Variants in GRM8 observed in about 807,000 individuals in gnomAD.
GRM8 encodes the protein metabotropic glutamate receptor 8.
GRM8 carries 47 observed loss-of-function variants against 87.2 expected under a neutral mutation model. The ratio of observed to expected loss-of-function variants is 0.54; its 90% CI spans 0.43 to 0.69. GRM8 has a LOEUF of 0.69. Among genes scored for constraint, GRM8 ranks in the 30% least tolerant of loss-of-function variants. The pLI, the probability that GRM8 is intolerant of heterozygous loss-of-function variation, is 0.00. For missense variants in GRM8, 1,019 were observed against 1,139.2 expected (o/e 0.89, Z 1.52); for synonymous variants, 396 against 404.5 (o/e 0.98, Z 0.25).
intron 2 of GRM8, among the ~76,000 whole-genome samples, chr7:127,124,481 A>G (rs1412584758): frequency 6.6e-6 from 1 of 152,124 alleles, no homozygotes; most frequent in Non-Finnish European, 1.5e-5. Context: ...TTTGCTTACA[A>G]TTTAAAAGTG....
intron 6 of GRM8, among the ~76,000 whole-genome samples, chr7:126,792,721 T>A (rs1000827867): frequency 1.3e-5 from 2 of 152,196 alleles, no homozygotes; most frequent in Non-Finnish European, 2.9e-5. Flanking sequence ...GGGTGCTTTT[T>A]TTCCATCCCA....
At chr7:126,652,756 GT>G (rs1167930025) in intron 7 of GRM8, among the ~76,000 whole-genome samples, 1 of 152,080 alleles carries the variant, frequency 6.6e-6, no homozygotes, top group African/African-American at 2.4e-5. Flanking sequence ...CTTTGATTGT[GT>G]GAGTTAATTC....
chr7:127,210,359 G>A (rs1438275919), intron 2 of GRM8, among the ~76,000 whole-genome samples: 1 of 152,078 alleles, frequency 6.6e-6, no homozygotes, highest in East Asian at 1.9e-4. Context: ...TACTTCCCAA[G>A]CCCCTTATGA....
intron 3 of GRM8, among the ~76,000 whole-genome samples, chr7:126,961,911 G>C (rs1809363170): frequency 6.6e-6 from 1 of 152,120 alleles, no homozygotes; most frequent in Non-Finnish European, 1.5e-5. Context: ...TCTGTATCCA[G>C]CATAGAGGAG....
chr7:126,996,754 T>C (rs1418127380), intron 3 of GRM8, among the ~76,000 whole-genome samples: 1 of 151,928 alleles, frequency 6.6e-6, no homozygotes, highest in Admixed American at 6.6e-5. Flanking sequence ...CAATTGTAAA[T>C]AGATATGTAC....
chr7:126,915,416 T>A (rs1015500801), intron 3 of GRM8, among the ~76,000 whole-genome samples: 8 of 152,226 alleles, frequency 5.3e-5, no homozygotes, highest in African/African-American at 7.2e-5. Flanking sequence ...TTGTCTTTCA[T>A]CAAGTGATAT....
chr7:126,790,873 G>A (rs972662830), intron 6 of GRM8, among the ~76,000 whole-genome samples: 2 of 152,152 alleles, frequency 1.3e-5, no homozygotes, highest in Non-Finnish European at 2.9e-5. Context: ...TGGGTAGGAT[G>A]ACTTGGCATG....
At chr7:127,185,665 G>C (rs1794695125) in intron 2 of GRM8, among the ~76,000 whole-genome samples, 1 of 152,102 alleles carries the variant, frequency 6.6e-6, no homozygotes, top group East Asian at 1.9e-4. Context: ...CCCATGTACT[G>C]GGCTCAGCCA....
At chr7:127,235,894 CAT>C (rs770549947) in intron 2 of GRM8, among the ~76,000 whole-genome samples, 5 of 152,216 alleles carry the variant, frequency 3.3e-5, no homozygotes, top group Admixed American at 1.3e-4. Context: ...TCATAAATCA[CAT>C]ATCTGTTAAT....
At chr7:126,812,059 C>G (rs1793350054) in intron 6 of GRM8, among the ~76,000 whole-genome samples, 1 of 152,022 alleles carries the variant, frequency 6.6e-6, no homozygotes, top group East Asian at 1.9e-4. Context: ...ACACTAAAAA[C>G]CCTGAGTTCG....
At chr7:126,710,424 C>A (rs535654333) in intron 7 of GRM8, among the ~76,000 whole-genome samples, 342 of 152,336 alleles carry the variant, frequency 2.2e-3, no homozygotes, top group African/African-American at 7.7e-3. Context: ...AGCCCTGCTG[C>A]TGCCTTATTA....
At chr7:126,524,224 G>A (rs2150808316) in intron 9 of GRM8, among the ~76,000 whole-genome samples, 1 of 152,218 alleles carries the variant, frequency 6.6e-6, no homozygotes, top group East Asian at 1.9e-4. Flanking sequence ...CTGCCTTACT[G>A]TCTCATATCT....
intron 3 of GRM8, among the ~76,000 whole-genome samples, chr7:127,056,347 G>A (rs1819986374): frequency 6.6e-6 from 1 of 152,126 alleles, no homozygotes; most frequent in South Asian, 2.1e-4. Context: ...ACACAAACAG[G>A]CCATAAACTG....
chr7:127,114,657 A>C (rs113704410), intron 2 of GRM8, among the ~76,000 whole-genome samples: 2 of 152,312 alleles, frequency 1.3e-5, no homozygotes, highest in Admixed American at 6.5e-5. Flanking sequence ...CTAATGGTGA[A>C]CCTAAAATTT....
At chr7:127,132,462 T>C (rs1024041990) in intron 2 of GRM8, among the ~76,000 whole-genome samples, 18 of 152,138 alleles carry the variant, frequency 1.2e-4, no homozygotes, top group Non-Finnish European at 8.8e-5. Context: ...TCACATGCCA[T>C]TCTGCTCAGT....
chr7:126,986,317 C>A (rs1180454729), intron 3 of GRM8, among the ~76,000 whole-genome samples: 1 of 151,812 alleles, frequency 6.6e-6, no homozygotes, highest in Non-Finnish European at 1.5e-5. Context: ...GGCTGTAATC[C>A]CAAGTCACTT....
chr7:127,029,757 C>G (rs949868050), intron 3 of GRM8, among the ~76,000 whole-genome samples: 5 of 151,900 alleles, frequency 3.3e-5, no homozygotes, highest in African/African-American at 1.2e-4. Flanking sequence ...CTCCTGAATA[C>G]AGCACACCAG....
intron 7 of GRM8, among the ~76,000 whole-genome samples, chr7:126,626,914 G>T (rs1396214475): frequency 2.6e-5 from 4 of 152,068 alleles, no homozygotes; most frequent in Non-Finnish European, 4.4e-5. Flanking sequence ...ACACTGTATA[G>T]ATTATCACTG....
chr7:126,665,885 T>C (rs1011086265), intron 7 of GRM8, among the ~76,000 whole-genome samples: 2 of 152,136 alleles, frequency 1.3e-5, no homozygotes, highest in African/African-American at 2.4e-5. Context: ...AATAATCTTC[T>C]TGATAATCTG....
Sources: allele counts gnomAD v4.1 joint callset (sites outside exome capture counted in the v4.1 genomes callset), GRCh38; gene constraint gnomAD v4.1.1; transcripts MANE v1.5; gene names NCBI Gene and HGNC (gene_info 2026-07-23, HGNC 2026-07-21).